DOP1A: variants seen among roughly 807,000 people sequenced by gnomAD.
DOP1A encodes protein DOP1A.
A neutral mutation model predicts 267.6 loss-of-function variants in DOP1A; 90 were observed. The ratio of observed to expected loss-of-function variants is 0.34; its 90% CI spans 0.28 to 0.40. DOP1A has a LOEUF of 0.40. Among genes scored for constraint, DOP1A ranks in the 10% least tolerant of loss-of-function variants. The probability of loss-of-function intolerance (pLI) is 1.00; values close to 1 mark genes in which losing one functional copy is unlikely to be tolerated. For missense variants in DOP1A, 2,437 were observed against 2,900.4 expected, an observed-to-expected ratio of 0.84 and a Z score of 3.67; for synonymous variants, 932 against 999.1, an observed-to-expected ratio of 0.93 and a Z score of 1.27.
chr6:83,158,758 A>G, intron 36 of DOP1A, 136 bp downstream of exon 36: 4 of 683,666 alleles, frequency 5.9e-6, no homozygotes, highest in Non-Finnish European at 9.6e-6. Flanking sequence ...ACGTTTGGAT[A>G]TAATGTAGTT....
At chr6:83,152,188 T>C in intron 29 of DOP1A, 100 bp from the exon 30 acceptor site, 1 of 714,142 alleles carries the variant, frequency 1.4e-6, no homozygotes, top group Non-Finnish European at 2.1e-6. Flanking sequence ...CATATACATA[T>C]ATATATACAT....
chr6:83,169,461 C>CT (rs1786608680), downstream of DOP1A: 2 of 966,482 alleles, frequency 2.1e-6, no homozygotes, highest in Admixed American at 5.6e-5. Context: ...TAATGAAAAC[C>CT]TTTTTTCATC....
At chr6:83,154,149 A>G in intron 32 of DOP1A, 31 bp from the exon 33 acceptor site, 1 of 1,607,818 alleles carries the variant, frequency 6.2e-7, no homozygotes, top group Non-Finnish European at 8.5e-7. Flanking sequence ...GTAACAACAT[A>G]ATTACATGTT....
At chr6:83,077,601 A>G (rs1015300882) in intron 1 of DOP1A, among the ~76,000 whole-genome samples, 2 of 152,180 alleles carry the variant, frequency 1.3e-5, no homozygotes, top group South Asian at 4.1e-4. Context: ...GCTTGAGCCC[A>G]GGAGTTAGAG....
intron 1 of DOP1A, among the ~76,000 whole-genome samples, chr6:83,073,620 T>C (rs1160762279): frequency 6.6e-6 from 1 of 152,252 alleles, no homozygotes; most frequent in Non-Finnish European, 1.5e-5. Flanking sequence ...TATCTATTGC[T>C]ACATGACAAA....
At position 83,100,855 on chromosome 6, in the gene DOP1A, A is replaced by G; in HGVS notation, c.289A>G (p.Lys97Glu). ...AATTATCTTCAAAATAATTGGACCT[A>G]AGCGACTTGCCAAAGATCTTTTTTT... is the stretch of plus-strand genomic sequence containing the variant. ...YEIIFKIIGP[K>E]RLAKDLFLYS... Residue 97 changes from lysine (K) to glutamate (E), a missense_variant, in exon 4 of 39, where the codon AAG (lysine) becomes GAG (glutamate). By Grantham distance (56) the Lys-to-Glu change is moderately conservative (BLOSUM62 1). Around this residue, in one of 9 missense-constraint regions of DOP1A, gnomAD observed 251 missense variants for 359.1 expected, o/e 0.70. Coordinates refer to ENST00000349129, the MANE Select transcript of DOP1A (RefSeq NM_015018.4). 1 of 1,561,296 alleles carries G rather than the reference A, an allele frequency of 6.4e-7. No homozygotes were observed. Among genetic ancestry groups the G allele is most frequent in the Admixed American group, 1.8e-5 (1 of 54,514 alleles).
At chr6:83,072,796 T>G (rs1785838053) in intron 1 of DOP1A, among the ~76,000 whole-genome samples, 1 of 152,230 alleles carries the variant, frequency 6.6e-6, no homozygotes, top group African/African-American at 2.4e-5. Context: ...TTATCGAATA[T>G]TCTACATAGC....
At chr6:83,129,979 C>A in intron 16 of DOP1A, 144 bp from the exon 17 acceptor site, 1 of 946,618 alleles carries the variant, frequency 1.1e-6, no homozygotes, top group Non-Finnish European at 1.5e-6. Context: ...TTTATTAAAG[C>A]TCTAGACTAG....
chr6:83,148,855 TA>T lies in DOP1A; in HGVS notation c.5830del (p.Ile1944TyrfsTer5). The T allele has an allele frequency of 6.6e-7, 1 of 1,522,834 alleles. No individual in the cohort carries two copies. The allele number at this position is 1,522,834 out of a possible 1,614,324, so 94.3% of individuals were successfully genotyped here. ...GTCTTCCAGCTCCAGGGCAGTTTCT[TA>T]TACTTGGGTAAGCAATTTCACTTAA... ...LSLPAPGQFL[I>X]LGVLNEFIMK... On this transcript the variant is annotated frameshift_variant, in exon 27 of 39. Coordinates refer to ENST00000349129, the MANE Select transcript of DOP1A (RefSeq NM_015018.4). LOFTEE classifies it high-confidence loss of function.
rs1455189065 is a variant in DOP1A, at chr6:83,135,843, A to T, written c.3095A>T (p.Asp1032Val). ...KSPCYPGEES[D>V]KHFMQNFACS... ...CCCTGTTATCCAGGAGAGGAGAGTG[A>T]CAAGCATTTCATGCAAAATTTTGCC... The change falls in exon 20 of 39, where the codon GAC becomes GTC. Residue 1032 changes from aspartate to valine, a missense_variant. Around this residue, in one of 9 missense-constraint regions of DOP1A, gnomAD observed 878 missense variants for 992.9 expected, o/e 0.88. Transcript: ENST00000349129. 1 of 1,613,546 alleles carries T rather than the reference A, an allele frequency of 6.2e-7. No homozygotes were observed. The highest frequency in any genetic ancestry group is 8.5e-7 in the Non-Finnish European group (1 of 1,179,650).
chr6:83,140,732 A>G (rs1298836565), intron 23 of DOP1A, among the ~76,000 whole-genome samples: 1 of 152,098 alleles, frequency 6.6e-6, no homozygotes, highest in East Asian at 1.9e-4. Context: ...CCACGAATCT[A>G]TTCTCTCCAT....
At chr6:83,097,246 C>A in intron 3 of DOP1A, 131 bp downstream of exon 3, 1 of 1,017,226 alleles carries the variant, frequency 9.8e-7, no homozygotes, top group Non-Finnish European at 1.4e-6. Flanking sequence ...CTTGGTAGTG[C>A]TATTTTTCTT....
intron 25 of DOP1A, among the ~76,000 whole-genome samples, chr6:83,146,255 A>G (rs1780631378): frequency 6.6e-6 from 1 of 152,220 alleles, no homozygotes; most frequent in South Asian, 2.1e-4. Flanking sequence ...AAGCAATACC[A>G]AGAGGTCATA....
Position 83,137,402 on chromosome 6 carries a change from C to T in DOP1A, c.3360C>T (p.Asp1120=), listed in dbSNP as rs1162517152. 1.2e-6 allele frequency: 2 copies of T among 1,613,696 alleles called. No individual in the cohort carries two copies. The highest frequency in any genetic ancestry group is 1.7e-6 in the Non-Finnish European group (2 of 1,179,850). The part of the protein sequence containing the change: ...DSGCSQSSAG[D]NLSYEVDPET... ...GATGTTCACAGTCCTCTGCTGGGGA[C>T]AACTTGAGTTACGAAGTTGATCCTG... is the stretch of plus-strand genomic sequence containing the variant. The change falls in exon 21 of 39, where the codon GAC becomes GAT. Residue 1120 remains aspartate, a synonymous_variant. Transcript: ENST00000349129.
chr6:83,158,501 T>G lies in DOP1A; in HGVS notation c.6742-66T>G, dbSNP rs1783384325. 3.2e-6 allele frequency: 4 copies of G among 1,235,130 alleles called. No individual in the cohort carries two copies. In the South Asian group the frequency reaches 5.4e-5, roughly 17 times the overall value. 76.5% of individuals were successfully genotyped at this position (1,235,130 alleles called of 1,614,324 possible). On this transcript the variant is annotated intron_variant, in intron 35 of 38. Coordinates refer to ENST00000349129, the MANE Select transcript of DOP1A (RefSeq NM_015018.4). ...GTTTTTGCGTTAATGAAAATACAAC[T>G]TAAAGATAACTTGAAAGGATTAAAT...
rs764117281 is a variant in DOP1A at position 83,137,440 on chromosome 6, C to T, written c.3398C>T (p.Ala1133Val). Residue 1133 changes from alanine (A) to valine (V), a missense_variant, in exon 21 of 39, where the codon GCC (alanine) becomes GTC (valine). Around this residue, in one of 9 missense-constraint regions of DOP1A, gnomAD observed 878 missense variants for 992.9 expected, o/e 0.88. Transcript: ENST00000349129. ...GAAGTTGATCCTGAAACCGTGAATGCCCAAGAGGATTCTCAAATGCCCAAG... is the reference window on the plus strand; with the variant it reads ...GAAGTTGATCCTGAAACCGTGAATGTCCAAGAGGATTCTCAAATGCCCAAG... ...SYEVDPETVN[A>V]QEDSQMPKES... The T allele has an allele frequency of 6.2e-7, 1 of 1,613,764 alleles. No individual in the cohort carries two copies. The highest frequency in any genetic ancestry group is 8.5e-7 in the Non-Finnish European group (1 of 1,179,830).
At position 83,168,360 on chromosome 6, in the gene DOP1A, T is replaced by C; in HGVS notation, c.*193T>C. The C allele has an allele frequency of 7.2e-7, 1 of 1,395,628 alleles. No homozygotes were observed. The highest frequency in any genetic ancestry group is 2.7e-5 in the East Asian group (1 of 37,130). 86.5% of individuals were successfully genotyped at this position (1,395,628 alleles called of 1,614,324 possible). On this transcript the variant is annotated 3_prime_UTR_variant, in exon 39 of 39. Transcript: ENST00000349129. ...ATCAAGTTTAAATATTGTTGGCTCA[T>C]ACTGATTATGGTGCCTAAGAGAGCT...
At chr6:83,119,389 T>C (rs1175613555) in intron 8 of DOP1A, among the ~76,000 whole-genome samples, 3 of 152,160 alleles carry the variant, frequency 2.0e-5, no homozygotes, top group African/African-American at 7.2e-5. Flanking sequence ...GTAATACATA[T>C]GTACACTTTG....
chr6:83,074,011 C>T (rs1786050653), intron 1 of DOP1A, among the ~76,000 whole-genome samples: 1 of 152,058 alleles, frequency 6.6e-6, no homozygotes, highest in African/African-American at 2.4e-5. Context: ...AGGAATTGCC[C>T]AAGAGCATGA....
Sources: gnomAD v4.1 joint callset for allele counts (sites outside exome capture counted in the v4.1 genomes callset) on GRCh38, gnomAD v4.1.1 for gene constraint, gnomAD v4.1.1 regional missense constraint, MANE v1.5 for transcripts, NCBI Gene and HGNC (gene_info 2026-07-23, HGNC 2026-07-21) for gene names.